Variants in CBLB observed in about 807,000 individuals in gnomAD.
CBLB encodes E3 ubiquitin-protein ligase CBL-B.
Under a neutral mutation model 104.9 loss-of-function variants are expected in CBLB, and 31 were observed. That is an observed-to-expected ratio of 0.30 (90% CI 0.22 to 0.40). The LOEUF is 0.40. CBLB is among the 10% of genes least tolerant of loss of function. The probability of loss-of-function intolerance (pLI) is 1.00; values close to 1 mark genes in which losing one functional copy is unlikely to be tolerated. For synonymous variants in CBLB, 440 were observed against 422.6 expected, an observed-to-expected ratio of 1.04 and a Z score of -0.51; for missense variants, 1,062 against 1,214.6, an observed-to-expected ratio of 0.87 and a Z score of 1.87.
intron 3 of CBLB, among the ~76,000 whole-genome samples, chr3:105,820,999 T>C (rs1052788039): frequency 1.3e-5 from 2 of 152,164 alleles, no homozygotes; most frequent in African/African-American, 2.4e-5. Context: ...TCATTGAAGG[T>C]AGGATATAAA....
At chr3:105,749,414 A>G (rs2076397466) in intron 5 of CBLB, among the ~76,000 whole-genome samples, 1 of 152,206 alleles carries the variant, frequency 6.6e-6, no homozygotes, top group African/African-American at 2.4e-5. Flanking sequence ...TAAGATATAT[A>G]TTCCTTAGAG....
At chr3:105,790,178 G>A (rs1328718814) in intron 3 of CBLB, among the ~76,000 whole-genome samples, 1 of 152,100 alleles carries the variant, frequency 6.6e-6, no homozygotes, top group Non-Finnish European at 1.5e-5. Flanking sequence ...TAATATTTCT[G>A]TTAAACATCA....
intron 3 of CBLB, among the ~76,000 whole-genome samples, chr3:105,837,064 C>A (rs558397353): frequency 6.6e-6 from 1 of 152,000 alleles, no homozygotes; most frequent in South Asian, 2.1e-4. Context: ...TTAAGCAATA[C>A]ATAAATACAA....
chr3:105,691,155 GAAC>G lies in CBLB; in HGVS notation c.2054+2336_2054+2338del, dbSNP rs2067642214. Among the ~76,000 whole-genome samples, 8 of 152,270 alleles carry G rather than the reference GAAC, an allele frequency of 5.3e-5. No homozygotes were observed. In the South Asian group the frequency reaches 1.4e-3, roughly 28 times the overall value. ...ATATACTTTGCATATTGTCTACAGT[GAAC>G]AACTGCTACCCACAGAGTCAGAAAC... On this transcript the variant is annotated intron_variant, in intron 13 of 18. Transcript: ENST00000394030.
Position 105,658,860 on chromosome 3 carries a change from C to T in CBLB, c.*110G>A. 2.5e-6 allele frequency: 3 copies of T among 1,199,476 alleles called. No individual in the cohort carries two copies. The highest frequency in any genetic ancestry group is 2.3e-5 in the East Asian group (1 of 42,746). The allele number at this position is 1,199,476 out of a possible 1,614,324, so 74.3% of individuals were successfully genotyped here. ...CACTCCCAAGCCTCTTCTCAAGCTGCTACACGAGGAGGAGACACTTCTCTC... is the reference window on the plus strand; with the variant it reads ...CACTCCCAAGCCTCTTCTCAAGCTGTTACACGAGGAGGAGACACTTCTCTC... On this transcript the variant is annotated 3_prime_UTR_variant, in exon 19 of 19. Transcript: ENST00000394030.
At chr3:105,738,004 T>C (rs765442589) in intron 7 of CBLB, among the ~76,000 whole-genome samples, 1 of 152,176 alleles carries the variant, frequency 6.6e-6, no homozygotes, top group Non-Finnish European at 1.5e-5. Flanking sequence ...GTTGTACTTG[T>C]TATTGAAAAA....
intron 6 of CBLB, among the ~76,000 whole-genome samples, chr3:105,743,713 C>A (rs1421330862): frequency 2.1e-5 from 3 of 145,832 alleles, no homozygotes; most frequent in Non-Finnish European, 3.0e-5. Flanking sequence ...AAGTCAAAGA[C>A]ATGAAATACT....
At chr3:105,824,684 T>G (rs2086335632) in intron 3 of CBLB, among the ~76,000 whole-genome samples, 1 of 152,036 alleles carries the variant, frequency 6.6e-6, no homozygotes, top group Admixed American at 6.6e-5. Context: ...TTATGCCAAC[T>G]GTGGGATTCA....
intron 4 of CBLB, among the ~76,000 whole-genome samples, chr3:105,767,030 G>A (rs3772517): frequency 0.025 from 3,860 of 152,132 alleles, 213 homozygotes; most frequent in Admixed American, 0.12. Context: ...AACAAAATAG[G>A]CCTCCAATAG....
intron 9 of CBLB, among the ~76,000 whole-genome samples, chr3:105,721,331 C>T (rs1054721144): frequency 2.0e-5 from 3 of 152,284 alleles, no homozygotes; most frequent in Non-Finnish European, 4.4e-5. Flanking sequence ...ACCTGCCCAA[C>T]AGTGATGTTT....
chr3:105,783,922 A>G (rs1209591473), intron 3 of CBLB, among the ~76,000 whole-genome samples: 4 of 152,252 alleles, frequency 2.6e-5, no homozygotes, highest in Non-Finnish European at 5.9e-5. Context: ...AATAAACCTT[A>G]TCTCAATATA....
At chr3:105,836,967 C>CA (rs34209714) in intron 3 of CBLB, among the ~76,000 whole-genome samples, 11,986 of 144,952 alleles carry the variant, frequency 0.083, 598 homozygotes, top group East Asian at 0.29. Flanking sequence ...AAAACAAGAC[C>CA]AAAAAAAAAA....
chr3:105,700,206 T>TA (rs986092869), intron 12 of CBLB, among the ~76,000 whole-genome samples: 1 of 152,032 alleles, frequency 6.6e-6, no homozygotes, highest in African/African-American at 2.4e-5. Context: ...TAACATCTCA[T>TA]AAAAAAATTA....
At chr3:105,659,977 T>C (rs1359904761) in intron 18 of CBLB, among the ~76,000 whole-genome samples, 2 of 152,162 alleles carry the variant, frequency 1.3e-5, no homozygotes, top group East Asian at 3.9e-4. Context: ...GAGTAGAGAA[T>C]TGGGTTCTAG....
rs148435411 is a variant in CBLB at position 105,667,282 on chromosome 3, G to A, written c.2689+2951C>T. Among the ~76,000 whole-genome samples the A allele has an allele frequency of 7.0e-4, 87 of 124,632 alleles. 1 individual carries two copies. In the East Asian group the frequency reaches 0.015, roughly 22 times the overall value. 81.8% of individuals were successfully genotyped at this position (124,632 alleles called of 152,430 possible). A position where few individuals can be genotyped will look rare whatever the true frequency, so the allele number is the denominator to read the frequency against. On this transcript the variant is annotated intron_variant, in intron 18 of 18. Transcript: ENST00000394030. The stretch of plus-strand genomic sequence containing the variant: ...TGAAAAATCACCTCAAGAGTGAATG[G>A]TGCACTTCATTAATACAGCCTTTTA...
chr3:105,751,438 T>A, intron 5 of CBLB, 24 bp downstream of exon 5: 1 of 1,558,640 alleles, frequency 6.4e-7, no homozygotes, highest in Non-Finnish European at 8.8e-7. Flanking sequence ...AGGGAATGGA[T>A]AGACTAAGCA....
At chr3:105,746,842 G>A (rs116162537) in intron 5 of CBLB, among the ~76,000 whole-genome samples, 2 of 152,304 alleles carry the variant, frequency 1.3e-5, no homozygotes, top group African/African-American at 2.4e-5. Flanking sequence ...GGGATGCCAG[G>A]ACCAATGCAA....
intron 9 of CBLB, among the ~76,000 whole-genome samples, chr3:105,731,871 A>T (rs1390696227): frequency 6.6e-6 from 1 of 152,234 alleles, no homozygotes; most frequent in Non-Finnish European, 1.5e-5. Flanking sequence ...TAAGCACAGT[A>T]TTGAGTTACA....
intron 3 of CBLB, among the ~76,000 whole-genome samples, chr3:105,828,124 TA>T (rs113743711): frequency 1.1e-3 from 172 of 152,256 alleles, no homozygotes; most frequent in African/African-American, 4.0e-3. Flanking sequence ...AGATGACTCA[TA>T]ACCCTGTTCA....
Sources: allele counts gnomAD v4.1 joint callset (sites outside exome capture counted in the v4.1 genomes callset), GRCh38; gene constraint gnomAD v4.1.1; transcripts MANE v1.5; gene names NCBI Gene and HGNC (gene_info 2026-07-23, HGNC 2026-07-21).